The following ZSWIM2 variants were observed in gnomAD, a reference collection of about 807,000 sequenced individuals.
ZSWIM2 encodes zinc finger SWIM-type containing 2.
ZSWIM2 carries 38 observed loss-of-function variants against 48.4 expected under a neutral mutation model. That is an observed-to-expected ratio of 0.79 (90% CI 0.61 to 1.03). The LOEUF is 1.03. ZSWIM2 is among the 50% of genes least tolerant of loss of function. The probability of loss-of-function intolerance (pLI) is 0.00; values close to 1 mark genes in which losing one functional copy is unlikely to be tolerated. For missense variants in ZSWIM2, 776 were observed against 730.2 expected (o/e 1.06, Z -0.72); for synonymous variants, 240 against 251.3 (o/e 0.96, Z 0.42).
intron 5 of ZSWIM2, 23 bp from the exon 6 acceptor site, chr2:186,834,053 C>G: frequency 3.2e-6 from 5 of 1,559,634 alleles, no homozygotes; most frequent in Non-Finnish European, 4.4e-6. Flanking sequence ...AACATCAAAA[C>G]ACGCAAGAAA....
intron 7 of ZSWIM2, among the ~76,000 whole-genome samples, chr2:186,830,647 T>C (rs1298981441): frequency 6.6e-6 from 1 of 151,808 alleles, no homozygotes; most frequent in African/African-American, 2.4e-5. Flanking sequence ...ATAAGGAAAT[T>C]TGTTTTCATC....
intron 6 of ZSWIM2, among the ~76,000 whole-genome samples, chr2:186,833,451 T>C (rs1691739986): frequency 6.6e-6 from 1 of 152,144 alleles, no homozygotes; most frequent in South Asian, 2.1e-4. Flanking sequence ...AAAATAACAA[T>C]AATTGTGTAT....
chr2:186,829,434 C>CT (rs1691659778), intron 8 of ZSWIM2, among the ~76,000 whole-genome samples: 2 of 151,946 alleles, frequency 1.3e-5, no homozygotes, highest in South Asian at 2.1e-4. Flanking sequence ...ATTCTATAAC[C>CT]TTTTTTCTTT....
rs1325542961 is a variant in ZSWIM2, at chr2:186,847,138, AT to A, written c.242+580del. ...GACTTCACCACTATGCAATATATGCATGTAAGAAACCTGAACTTTTTATAAA... is the reference window on the plus strand; with the variant it reads ...GACTTCACCACTATGCAATATATGCAGTAAGAAACCTGAACTTTTTATAAA... On this transcript the variant is annotated intron_variant, in intron 2 of 8. Coordinates refer to ENST00000295131, the MANE Select transcript of ZSWIM2 (RefSeq NM_182521.3). Among the ~76,000 whole-genome samples the A allele has an allele frequency of 2.6e-5, 4 of 152,158 alleles. No homozygotes were observed. The East Asian group carries it at 7.7e-4, about 29-fold the overall frequency.
intron 3 of ZSWIM2, among the ~76,000 whole-genome samples, chr2:186,841,463 AG>A (rs1271730502): frequency 1.3e-5 from 2 of 151,466 alleles, no homozygotes; most frequent in Non-Finnish European, 1.5e-5. Context: ...AATCAGCAAA[AG>A]TATTCTGAAA....
At chr2:186,839,552 G>A (rs561598124) in intron 3 of ZSWIM2, among the ~76,000 whole-genome samples, 1 of 151,712 alleles carries the variant, frequency 6.6e-6, no homozygotes, top group African/African-American at 2.4e-5. Flanking sequence ...GAATACATGA[G>A]GAGGAAACTG....
intron 3 of ZSWIM2, among the ~76,000 whole-genome samples, chr2:186,843,046 A>C (rs149990759): frequency 6.6e-6 from 1 of 151,778 alleles, no homozygotes; most frequent in Non-Finnish European, 1.5e-5. Flanking sequence ...ACACGTTGAC[A>C]CAATAATATT....
At chr2:186,836,599 T>C (rs987130524) in intron 5 of ZSWIM2, among the ~76,000 whole-genome samples, 3 of 152,088 alleles carry the variant, frequency 2.0e-5, no homozygotes, top group Non-Finnish European at 4.4e-5. Context: ...AAAAATAAAC[T>C]GATACATTTC....
intron 7 of ZSWIM2, among the ~76,000 whole-genome samples, chr2:186,831,102 T>TCCTA (rs1362001381): frequency 6.6e-6 from 1 of 152,182 alleles, no homozygotes; most frequent in African/African-American, 2.4e-5. Context: ...GTCCTTCTTC[T>TCCTA]CCTAATGTTC....
intron 4 of ZSWIM2, among the ~76,000 whole-genome samples, chr2:186,838,066 T>C (rs906414728): frequency 6.6e-6 from 1 of 151,438 alleles, no homozygotes; most frequent in Non-Finnish European, 1.5e-5. Flanking sequence ...ACAACTACAG[T>C]GTGGACAAAA....
rs183344821 is a variant in ZSWIM2, at chr2:186,831,429, C to T, written c.942-1549G>A. Among the ~76,000 whole-genome samples the T allele has an allele frequency of 2.7e-4, 41 of 151,476 alleles. 1 individual carries two copies. Among genetic ancestry groups the T allele is most frequent in the Middle Eastern group, 3.4e-3 (1 of 290 alleles). On this transcript the variant is annotated intron_variant, in intron 7 of 8. Coordinates refer to ENST00000295131, the MANE Select transcript of ZSWIM2 (RefSeq NM_182521.3). ...TATATATATATTTAATGAGAACAAG[C>T]ACATTTTTTGTTTAGTTGATTCACT...
chr2:186,842,713 C>A (rs10201512), intron 3 of ZSWIM2, among the ~76,000 whole-genome samples: 20,642 of 151,338 alleles, frequency 0.14, 2,076 homozygotes, highest in African/African-American at 0.29. Context: ...AATATGGTAG[C>A]CATTAGCCAC....
intron 3 of ZSWIM2, among the ~76,000 whole-genome samples, chr2:186,839,746 C>T (rs1364991104): frequency 1.3e-5 from 2 of 151,584 alleles, no homozygotes; most frequent in African/African-American, 2.4e-5. Flanking sequence ...CTATTAGTTA[C>T]TATATTGCTT....
intron 5 of ZSWIM2, among the ~76,000 whole-genome samples, chr2:186,836,148 C>T (rs901349362): frequency 1.3e-5 from 2 of 151,972 alleles, no homozygotes; most frequent in African/African-American, 2.4e-5. Flanking sequence ...TCCTTGTTCC[C>T]CCACATGTCC....
At chr2:186,838,861 G>GTT in intron 4 of ZSWIM2, 98 bp downstream of exon 4, 1 of 961,674 alleles carries the variant, frequency 1.0e-6, no homozygotes, top group Non-Finnish European at 1.5e-6. Context: ...AGGTAAAGTT[G>GTT]TCTATTTTTT....
chr2:186,837,221 C>T, intron 5 of ZSWIM2, 85 bp downstream of exon 5: 1 of 1,444,780 alleles, frequency 6.9e-7, no homozygotes, highest in Non-Finnish European at 9.5e-7. Context: ...AGGGAGGCTA[C>T]AGAACGGGTA....
Position 186,828,489 on chromosome 2 carries a change from G to T in ZSWIM2, c.1397C>A (p.Thr466Lys), listed in dbSNP as rs1232046014. The change falls in exon 9 of 9, where the codon ACA (threonine) becomes AAA (lysine). Residue 466 changes from threonine (T) to lysine (K), a missense_variant. By Grantham distance (78) the Thr-to-Lys change is moderately conservative. Transcript: ENST00000295131. ...TTTGATAGAGCATAGATTATCTATT[G>T]TTGTATTTTCATAGGCATCTTTTGG... The part of the protein sequence containing the change: ...QSPKDAYENT[T>K]IDNLCSIKLD... 6.2e-7 allele frequency: 1 copy of T among 1,613,358 alleles called. No homozygotes were observed. Among genetic ancestry groups the T allele is most frequent in the South Asian group, 1.1e-5 (1 of 91,044 alleles).
chr2:186,834,647 C>T (rs1400729557), intron 5 of ZSWIM2, among the ~76,000 whole-genome samples: 2 of 152,098 alleles, frequency 1.3e-5, no homozygotes, highest in African/African-American at 2.4e-5. Context: ...AAAAACTGGT[C>T]GCTGGTGCCA....
In ZSWIM2 at chr2:186,847,700, C is replaced by G. The variant is rs1273395524; in HGVS notation, c.242+19G>C. 6.4e-7 allele frequency: 1 copy of G among 1,573,946 alleles called. No individual in the cohort carries two copies. Among genetic ancestry groups the G allele is most frequent in the Admixed American group, 1.8e-5 (1 of 56,394 alleles). On this transcript the variant is annotated intron_variant, in intron 2 of 8. Coordinates refer to ENST00000295131, the MANE Select transcript of ZSWIM2 (RefSeq NM_182521.3). ...AAGATGTTCCTTCATGGAAGATCTT[C>G]ATTTGAAAAGTCACTTACCAGCAGA... is the stretch of plus-strand genomic sequence containing the variant.
Sources: allele counts gnomAD v4.1 joint callset (sites outside exome capture counted in the v4.1 genomes callset), GRCh38; gene constraint gnomAD v4.1.1; transcripts MANE v1.5; gene names NCBI Gene and HGNC (gene_info 2026-07-23, HGNC 2026-07-21).